Variants in FAM78B observed in about 807,000 individuals in gnomAD.
FAM78B encodes family with sequence similarity 78 member B.
In FAM78B, 10 loss-of-function variants were observed where a neutral mutation model predicts 20.0. That is an observed-to-expected ratio of 0.50 (90% CI 0.31 to 0.85). The LOEUF (loss-of-function observed/expected upper bound fraction) is 0.85. Among genes scored for constraint, FAM78B ranks in the 40% least tolerant of loss-of-function variants. The pLI, the probability that FAM78B is intolerant of heterozygous loss-of-function variation, is 0.05. For missense variants in FAM78B, 283 were observed against 345.0 expected (o/e 0.82, Z 1.42); for synonymous variants, 135 against 132.8 (o/e 1.02, Z -0.12).
chr1:166,073,447 T>C (rs78206743), intron 1 of FAM78B, among the ~76,000 whole-genome samples: 28 of 152,232 alleles, frequency 1.8e-4, no homozygotes, highest in African/African-American at 6.5e-4. Flanking sequence ...TTTTCCTTTA[T>C]GAAAAATAGA....
chr1:166,082,590 T>C (rs1397466515), intron 1 of FAM78B: 1 of 152,278 alleles, frequency 6.6e-6, no homozygotes, highest in African/African-American at 2.4e-5. Flanking sequence ...GCTGATTTGC[T>C]TGTGTCTATG....
chr1:166,072,163 T>C (rs1652075097), intron 1 of FAM78B, among the ~76,000 whole-genome samples: 2 of 152,164 alleles, frequency 1.3e-5, no homozygotes, highest in African/African-American at 4.8e-5. Flanking sequence ...GGGAATTGCA[T>C]TGTCAAGCTA....
chr1:166,108,471 A>T (rs1288598962), intron 1 of FAM78B, among the ~76,000 whole-genome samples: 1 of 152,160 alleles, frequency 6.6e-6, no homozygotes, highest in Non-Finnish European at 1.5e-5. Context: ...AAAGACCTCT[A>T]CAAGGAAAAC....
intron 1 of FAM78B, among the ~76,000 whole-genome samples, chr1:166,091,133 G>A (rs1343711390): frequency 6.6e-6 from 1 of 152,144 alleles, no homozygotes; most frequent in East Asian, 1.9e-4. Context: ...GCACGGGCAG[G>A]AAGGGTAGAA....
chr1:166,056,956 G>A (rs1651369568), downstream of FAM78B, among the ~76,000 whole-genome samples: 1 of 152,152 alleles, frequency 6.6e-6, no homozygotes, highest in Admixed American at 6.5e-5. Flanking sequence ...AGAGGCCCAA[G>A]GAAGCTCATT....
chr1:166,137,500 CTTTT>C (rs35647634), intron 1 of FAM78B, among the ~76,000 whole-genome samples: 1 of 149,718 alleles, frequency 6.7e-6, no homozygotes, highest in Non-Finnish European at 1.5e-5. Context: ...AAGTCCAGTA[CTTTT>C]TTTTTTTTTA....
chr1:166,101,547 G>A (rs968664294), intron 1 of FAM78B, among the ~76,000 whole-genome samples: 6 of 152,224 alleles, frequency 3.9e-5, no homozygotes, highest in Non-Finnish European at 5.9e-5. Flanking sequence ...CATACCACAA[G>A]AACTATGTGA....
At chr1:166,118,790 G>A (rs1654357805) in intron 1 of FAM78B, among the ~76,000 whole-genome samples, 2 of 152,136 alleles carry the variant, frequency 1.3e-5, no homozygotes, top group African/African-American at 4.8e-5. Flanking sequence ...TTACTTCGAG[G>A]GAGCTAGGTG....
intron 1 of FAM78B, among the ~76,000 whole-genome samples, chr1:166,102,628 T>G (rs1653575233): frequency 6.6e-6 from 1 of 151,964 alleles, no homozygotes; most frequent in African/African-American, 2.4e-5. Context: ...TACATAATGG[T>G]AAAGGGATCA....
chr1:166,062,175 C>T (rs1651625547), intron 2 of FAM78B, among the ~76,000 whole-genome samples: 1 of 152,142 alleles, frequency 6.6e-6, no homozygotes, highest in Non-Finnish European at 1.5e-5. Flanking sequence ...CTGAGATTGG[C>T]CTTCTTCCCA....
chr1:166,149,974 G>T (rs948422211), intron 1 of FAM78B, among the ~76,000 whole-genome samples: 1 of 152,220 alleles, frequency 6.6e-6, no homozygotes, highest in Non-Finnish European at 1.5e-5. Flanking sequence ...CAAGCTTCCT[G>T]CCTGCCAGAA....
intron 1 of FAM78B, among the ~76,000 whole-genome samples, chr1:166,129,206 C>T (rs190407566): frequency 6.6e-5 from 10 of 152,314 alleles, no homozygotes; most frequent in Admixed American, 6.5e-4. Context: ...AGATTTAGAG[C>T]ATCCCAGTGT....
At position 166,115,627 on chromosome 1, in the gene FAM78B, G is replaced by A. The variant is rs186099909; in HGVS notation, c.264-44864C>T. On this transcript the variant is annotated intron_variant, in intron 1 of 1. Coordinates refer to ENST00000354422, the MANE Select transcript of FAM78B (RefSeq NM_001017961.5). ...ACATGTCATGATCCCTACCTTCGCC[G>A]GGGCAGCTTATGATCTATCAAAGGT... Among the ~76,000 whole-genome samples, 16 of 152,270 alleles carry A rather than the reference G, an allele frequency of 1.1e-4. No individual in the cohort carries two copies. The South Asian group carries it at 1.2e-3, about 12-fold the overall frequency.
intron 1 of FAM78B, among the ~76,000 whole-genome samples, chr1:166,084,237 ACTCTCT>A (rs372134890): frequency 0.019 from 2,366 of 125,376 alleles, 57 homozygotes; most frequent in African/African-American, 0.061. Flanking sequence ...ACACACACAC[ACTCTCT>A]CTCTCTCTCT....
intron 1 of FAM78B, among the ~76,000 whole-genome samples, chr1:166,084,232 C>CACACACACACACAA (rs1652707827): frequency 7.3e-6 from 1 of 136,860 alleles, no homozygotes; most frequent in African/African-American, 2.7e-5. Flanking sequence ...CACACACACA[C>CACACACACACACAA]ACACACTCTC....
chr1:166,075,492 C>T (rs6669013), intron 1 of FAM78B, among the ~76,000 whole-genome samples: 23,045 of 152,120 alleles, frequency 0.15, 2,270 homozygotes, highest in East Asian at 0.43. Flanking sequence ...ACATTTTACA[C>T]CCATCCCTGA....
At chr1:166,138,907 G>C (rs1441346426) in intron 1 of FAM78B, among the ~76,000 whole-genome samples, 1 of 152,180 alleles carries the variant, frequency 6.6e-6, no homozygotes, top group African/African-American at 2.4e-5. Flanking sequence ...ATAACCTGTG[G>C]GGCCTTTCAA....
At chr1:166,108,960 T>G (rs1156427758) in intron 1 of FAM78B, among the ~76,000 whole-genome samples, 1 of 152,030 alleles carries the variant, frequency 6.6e-6, no homozygotes, top group Non-Finnish European at 1.5e-5. Context: ...ACTAGCCACA[T>G]GCAGAATGAA....
chr1:166,099,145 C>G (rs983029867), intron 1 of FAM78B, among the ~76,000 whole-genome samples: 3 of 152,090 alleles, frequency 2.0e-5, no homozygotes, highest in African/African-American at 4.8e-5. Flanking sequence ...CCAGAGAAAC[C>G]AAGCACCACA....
Sources: allele counts gnomAD v4.1 joint callset (sites outside exome capture counted in the v4.1 genomes callset), GRCh38; gene constraint gnomAD v4.1.1; transcripts MANE v1.5; gene names NCBI Gene and HGNC (gene_info 2026-07-23, HGNC 2026-07-21).